Variants in ARHGAP15 observed in about 807,000 individuals in gnomAD.
ARHGAP15 encodes rho GTPase-activating protein 15.
In ARHGAP15, 51 loss-of-function variants were observed where a neutral mutation model predicts 63.7. That is an observed-to-expected ratio of 0.80 (90% confidence interval 0.64 to 1.01). The LOEUF is 1.01. Among genes scored for constraint, ARHGAP15 ranks in the 50% least tolerant of loss-of-function variants. The probability of loss-of-function intolerance (pLI) is 0.00; values close to 1 mark genes in which losing one functional copy is unlikely to be tolerated. For synonymous variants in ARHGAP15, 191 were observed against 193.8 expected, an observed-to-expected ratio of 0.99 and a Z score of 0.12; for missense variants, 560 against 564.6, an observed-to-expected ratio of 0.99 and a Z score of 0.08.
chr2:143,594,138 A>T (rs1043276763), intron 11 of ARHGAP15, among the ~76,000 whole-genome samples: 7 of 152,192 alleles, frequency 4.6e-5, no homozygotes, highest in Non-Finnish European at 8.8e-5. Context: ...AAGAGCCTTT[A>T]AAGTTTCCAT....
intron 9 of ARHGAP15, among the ~76,000 whole-genome samples, chr2:143,492,621 G>A (rs189934474): frequency 7.9e-5 from 12 of 152,024 alleles, no homozygotes; most frequent in African/African-American, 2.9e-4. Context: ...AGTTAGCCAG[G>A]CGTGGTGATG....
intron 9 of ARHGAP15, among the ~76,000 whole-genome samples, chr2:143,517,098 G>A (rs1051254023): frequency 5.9e-5 from 9 of 152,046 alleles, no homozygotes; most frequent in South Asian, 2.1e-4. Context: ...ACAGGCACGC[G>A]CCACCATGCC....
chr2:143,410,021 TA>T (rs1308149808), intron 6 of ARHGAP15, among the ~76,000 whole-genome samples: 2 of 151,942 alleles, frequency 1.3e-5, no homozygotes, highest in African/African-American at 2.4e-5. Flanking sequence ...TTTTTGAATG[TA>T]AAAAAAATTA....
chr2:143,306,410 A>G (rs1460697562), intron 6 of ARHGAP15, among the ~76,000 whole-genome samples: 1 of 152,110 alleles, frequency 6.6e-6, no homozygotes, highest in East Asian at 1.9e-4. Context: ...TGGCTCTGTC[A>G]TTTACTAGCT....
At chr2:143,318,980 C>A (rs1001303068) in intron 6 of ARHGAP15, among the ~76,000 whole-genome samples, 3 of 152,126 alleles carry the variant, frequency 2.0e-5, no homozygotes, top group Non-Finnish European at 4.4e-5. Context: ...ACCTCAACTG[C>A]AGTCCTGAAA....
chr2:143,596,884 G>A (rs1474133344), intron 11 of ARHGAP15, among the ~76,000 whole-genome samples: 2 of 151,990 alleles, frequency 1.3e-5, no homozygotes, highest in Non-Finnish European at 2.9e-5. Context: ...TTATTTTAGA[G>A]GTATCTATGT....
intron 11 of ARHGAP15, among the ~76,000 whole-genome samples, chr2:143,591,429 A>C (rs879606452): frequency 6.6e-6 from 1 of 152,154 alleles, no homozygotes; most frequent in Non-Finnish European, 1.5e-5. Flanking sequence ...CATGCTGTGC[A>C]AAAGTGGCAC....
At chr2:143,272,741 T>C (rs34097606) in intron 6 of ARHGAP15, among the ~76,000 whole-genome samples, 12,251 of 152,282 alleles carry the variant, frequency 0.08, 597 homozygotes, top group Middle Eastern at 0.23. Flanking sequence ...GTTCTCTCTC[T>C]TTGAGAGAAC....
chr2:143,253,923 A>G (rs968307130), intron 6 of ARHGAP15, among the ~76,000 whole-genome samples: 1 of 152,094 alleles, frequency 6.6e-6, no homozygotes, highest in Non-Finnish European at 1.5e-5. Flanking sequence ...GTAAATGTCC[A>G]TTGCTGCTAA....
intron 6 of ARHGAP15, among the ~76,000 whole-genome samples, chr2:143,345,920 T>C (rs1175608472): frequency 6.6e-6 from 1 of 152,048 alleles, no homozygotes; most frequent in African/African-American, 2.4e-5. Context: ...ACCTGTTCAT[T>C]ATATGAGAAA....
chr2:143,400,505 G>C (rs1687944426), intron 6 of ARHGAP15, among the ~76,000 whole-genome samples: 1 of 151,862 alleles, frequency 6.6e-6, no homozygotes, highest in African/African-American at 2.4e-5. Context: ...AGATCACCTG[G>C]TGAATTATGA....
At chr2:143,733,772 A>AC (rs1423524440) in intron 13 of ARHGAP15, among the ~76,000 whole-genome samples, 3 of 152,148 alleles carry the variant, frequency 2.0e-5, no homozygotes, top group African/African-American at 4.8e-5. Context: ...ATTGACCCCT[A>AC]CCTAATAAGA....
rs143566653 is a variant in ARHGAP15, at chr2:143,438,043, T to A, written c.703+1001T>A. On this transcript the variant is annotated intron_variant, in intron 8 of 13. Transcript: ENST00000295095. ...CTCTGTCTCAGAAAAGGTAGACATC[T>A]TTGGAACCAGAGAAAACCTATTTCC... 6.0e-3 allele frequency among the ~76,000 whole-genome samples: 917 copies of A among 152,254 alleles called. 14 individuals are homozygous for A. Among genetic ancestry groups the A allele is most frequent in the African/African-American group, 0.02 (838 of 41,552 alleles).
At chr2:143,184,050 G>A (rs957751247) in intron 2 of ARHGAP15, among the ~76,000 whole-genome samples, 1 of 152,162 alleles carries the variant, frequency 6.6e-6, no homozygotes, top group African/African-American at 2.4e-5. Context: ...ACAGAAACAC[G>A]TAACCTGAAA....
intron 10 of ARHGAP15, among the ~76,000 whole-genome samples, chr2:143,535,481 G>C (rs899280527): frequency 2.6e-5 from 4 of 152,130 alleles, no homozygotes; most frequent in African/African-American, 9.7e-5. Flanking sequence ...TCTAATTGCA[G>C]AATTTTAGGC....
intron 10 of ARHGAP15, among the ~76,000 whole-genome samples, chr2:143,551,586 T>A (rs988842787): frequency 4.6e-5 from 7 of 152,092 alleles, no homozygotes; most frequent in East Asian, 1.9e-4. Flanking sequence ...CATGGAAATA[T>A]AGCAAAAAAA....
intron 8 of ARHGAP15, among the ~76,000 whole-genome samples, chr2:143,463,140 A>T (rs1308865180): frequency 2.0e-5 from 3 of 152,098 alleles, no homozygotes. Flanking sequence ...GTGGCCCAAG[A>T]CAATTATTCT....
intron 11 of ARHGAP15, among the ~76,000 whole-genome samples, chr2:143,606,056 A>C (rs1344331378): frequency 7.4e-6 from 1 of 135,580 alleles, no homozygotes; most frequent in Non-Finnish European, 1.6e-5. Context: ...AAAAAAAAAA[A>C]AAAAAAAAAA....
At chr2:143,474,684 T>A (rs1180249895) in intron 8 of ARHGAP15, among the ~76,000 whole-genome samples, 1 of 152,216 alleles carries the variant, frequency 6.6e-6, no homozygotes, top group East Asian at 1.9e-4. Flanking sequence ...ACCAAATGAT[T>A]TAAACAATTT....
Sources: allele counts gnomAD v4.1 joint callset (sites outside exome capture counted in the v4.1 genomes callset), GRCh38; gene constraint gnomAD v4.1.1; transcripts MANE v1.5; gene names NCBI Gene and HGNC (gene_info 2026-07-23, HGNC 2026-07-21).